The following UNC79 variants were observed in gnomAD, a reference collection of about 807,000 sequenced individuals.
UNC79 encodes the protein protein unc-79 homolog.
UNC79 carries 37 observed loss-of-function variants against 283.1 expected under a neutral mutation model. The ratio of observed to expected loss-of-function variants is 0.13; its 90% CI spans 0.10 to 0.17. UNC79 has a LOEUF of 0.17. Ranked by LOEUF, UNC79 falls within the 10% of genes least tolerant of loss-of-function variation. The pLI is 1.00. For synonymous variants in UNC79, 1,107 were observed against 1,200.2 expected, an observed-to-expected ratio of 0.92 and a Z score of 1.61; for missense variants, 2,272 against 3,211.1, an observed-to-expected ratio of 0.71 and a Z score of 7.07.
chr14:93,417,945 G>A (rs1210855548), intron 1 of UNC79, among the ~76,000 whole-genome samples: 3 of 151,570 alleles, frequency 2.0e-5, no homozygotes, highest in Non-Finnish European at 2.9e-5. Context: ...CAAAGTTTTC[G>A]ACTTCTTTGA....
chr14:93,689,330 C>T (rs968810460), intron 44 of UNC79: 1 of 154,534 alleles, frequency 6.5e-6, no homozygotes, highest in Non-Finnish European at 1.4e-5. Flanking sequence ...TGAGCCCACC[C>T]TTTTGTGTGG....
intron 4 of UNC79, 147 bp from the exon 5 acceptor site, chr14:93,487,516 T>C: frequency 1.7e-6 from 1 of 575,678 alleles, no homozygotes; most frequent in Non-Finnish European, 3.0e-6. Flanking sequence ...AGGACACATT[T>C]TGTGGTTTCA....
At chr14:93,377,506 T>C (rs1432647318) in intron 1 of UNC79, among the ~76,000 whole-genome samples, 1 of 151,912 alleles carries the variant, frequency 6.6e-6, no homozygotes, top group African/African-American at 2.4e-5. Context: ...AGTTGGAAAA[T>C]AAAATAGTGA....
In UNC79 at chr14:93,542,345, C is replaced by T. The variant is rs2061418521; in HGVS notation, c.1525-121C>T. 5.0e-6 allele frequency: 5 copies of T among 1,001,962 alleles called. No homozygotes were observed. In the South Asian group the frequency reaches 6.9e-5, roughly 14 times the overall value. The allele number at this position is 1,001,962 out of a possible 1,614,324, so 62.1% of individuals were successfully genotyped here. A position where few individuals can be genotyped will look rare whatever the true frequency, so the allele number is the denominator to read the frequency against. On this transcript the variant is annotated intron_variant, in intron 13 of 48. Coordinates refer to ENST00000555664, the Ensembl canonical transcript of UNC79. Reference sequence around the variant, plus strand: ...AAGCGATCCCCATTTTTAAAACTGCCTATTTCAAACAGATTATCTGGGATA... The same window carrying T: ...AAGCGATCCCCATTTTTAAAACTGCTTATTTCAAACAGATTATCTGGGATA...
chr14:93,421,581 A>G (rs771993573), intron 1 of UNC79, among the ~76,000 whole-genome samples: 1 of 151,648 alleles, frequency 6.6e-6, no homozygotes, highest in Non-Finnish European at 1.5e-5. Context: ...GGAGGGGATA[A>G]TATTTCCAAA....
intron 1 of UNC79, among the ~76,000 whole-genome samples, chr14:93,384,205 T>C (rs1207796217): frequency 6.6e-6 from 1 of 152,178 alleles, no homozygotes; most frequent in African/African-American, 2.4e-5. Flanking sequence ...TTCTTTTGGG[T>C]ATATACCTAA....
intron 1 of UNC79, among the ~76,000 whole-genome samples, chr14:93,396,812 G>GTGTGTGTTGTA (rs1566911261): frequency 1.6e-5 from 1 of 63,274 alleles, no homozygotes; most frequent in African/African-American, 5.2e-5. Context: ...TGTGTGTTGT[G>GTGTGTGTTGTA]GCATGCTTTC....
chr14:93,507,226 T>C (rs1410121588), intron 7 of UNC79, among the ~76,000 whole-genome samples: 2 of 152,332 alleles, frequency 1.3e-5, no homozygotes, highest in East Asian at 1.9e-4. Context: ...AGTTTTTTTG[T>C]GGACTTACGC....
At chr14:93,489,116 A>AT (rs1039533050) in intron 5 of UNC79, among the ~76,000 whole-genome samples, 1 of 152,022 alleles carries the variant, frequency 6.6e-6, no homozygotes, top group African/African-American at 2.4e-5. Context: ...TAATTTTTAA[A>AT]TTTTTTTAGA....
chr14:93,422,962 TTG>T (rs2055631375), intron 1 of UNC79, among the ~76,000 whole-genome samples: 1 of 148,634 alleles, frequency 6.7e-6, no homozygotes, highest in East Asian at 2.0e-4. Flanking sequence ...ACTCAGGAGG[TTG>T]AGGCAGGAGA....
chr14:93,566,295 A>C (rs1057232757), intron 14 of UNC79, among the ~76,000 whole-genome samples: 2 of 152,104 alleles, frequency 1.3e-5, no homozygotes, highest in African/African-American at 4.8e-5. Flanking sequence ...TTTCCTAGAC[A>C]AGGGTTTTAT....
intron 7 of UNC79, among the ~76,000 whole-genome samples, chr14:93,505,186 TA>T (rs2140760400): frequency 6.6e-6 from 1 of 152,244 alleles, no homozygotes; most frequent in Admixed American, 6.5e-5. Context: ...TGTAATTGTT[TA>T]ATTCAAATCC....
chr14:93,692,048 TTATA>T (rs1210529211), intron 46 of UNC79, 102 bp downstream of exon 49: 1 of 1,350,930 alleles, frequency 7.4e-7, no homozygotes, highest in African/African-American at 1.4e-5. Flanking sequence ...AGTTGTAAGG[TTATA>T]TAAATGGATC....
chr14:93,373,355 G>T (rs1434302935), intron 1 of UNC79, among the ~76,000 whole-genome samples: 1 of 151,818 alleles, frequency 6.6e-6, no homozygotes, highest in Non-Finnish European at 1.5e-5. Context: ...ACCAAAAGCT[G>T]GTTCCTAGTA....
At chr14:93,682,494 T>C in intron 41 of UNC79, 123 bp from the exon 45 acceptor site, 1 of 775,660 alleles carries the variant, frequency 1.3e-6, no homozygotes, top group South Asian at 2.0e-5. Flanking sequence ...AAATCTGATC[T>C]ATCCAAGGCA....
chr14:93,380,832 T>C (rs72710304), intron 1 of UNC79, among the ~76,000 whole-genome samples: 325 of 152,338 alleles, frequency 2.1e-3, no homozygotes, highest in Non-Finnish European at 3.4e-3. Flanking sequence ...TTGTAATATA[T>C]AGCCACACTG....
In UNC79 at chr14:93,641,915, A is replaced by AT. The variant is rs1366850270; in HGVS notation, c.5903+672dup. On this transcript the variant is annotated intron_variant, in intron 33 of 48. Transcript: ENST00000555664. Reference sequence around the variant, plus strand: ...TGAATAAGTCTCATGAGATCTGATGATTTTATGAATGGGAGTTCCCCTGCA... The same window carrying AT: ...TGAATAAGTCTCATGAGATCTGATGATTTTTATGAATGGGAGTTCCCCTGCA... 2.6e-5 allele frequency among the ~76,000 whole-genome samples: 4 copies of AT among 152,230 alleles called. No homozygotes were observed. The East Asian group carries it at 7.7e-4, about 29-fold the overall frequency.
rs2067146672 is a variant in UNC79, at chr14:93,621,654, G to T, written c.4421G>T (p.Gly1474Val). The stretch of plus-strand genomic sequence containing the variant: ...GAACTGGCTGAATATAGAGAGACGG[G>T]TGCATTACAAGACAGCCTTCTCCAC... The change falls in exon 30 of 49, where the codon GGT (glycine) becomes GTT (valine). Residue 1474 changes from glycine to valine, a missense_variant. Transcript: ENST00000555664. This position sits in a 1 kb window ranked among gnomAD's most constrained non-coding sequence, Gnocchi z 4.8. The T allele has an allele frequency of 1.3e-6, 2 of 1,596,734 alleles. No individual in the cohort carries two copies. Among genetic ancestry groups the T allele is most frequent in the African/African-American group, 1.4e-5 (1 of 73,966 alleles).
At chr14:93,494,983 T>C (rs930613013) in intron 5 of UNC79, among the ~76,000 whole-genome samples, 17 of 152,046 alleles carry the variant, frequency 1.1e-4, no homozygotes, top group Admixed American at 9.8e-4. Context: ...GCAGAGTCAT[T>C]AAGAGAAAAG....
Sources: gnomAD v4.1 joint callset for allele counts (sites outside exome capture counted in the v4.1 genomes callset) on GRCh38, gnomAD v4.1.1 for gene constraint, Gnocchi (gnomAD v3.1) non-coding constraint, MANE v1.5 for transcripts, NCBI Gene and HGNC (gene_info 2026-07-23, HGNC 2026-07-21) for gene names.